Variants in ADAM12 observed in about 807,000 individuals in gnomAD.
The protein encoded by ADAM12 is ADAM metallopeptidase domain 12, also known as disintegrin and metalloproteinase domain-containing protein 12.
A neutral mutation model predicts 106.4 loss-of-function variants in ADAM12; 70 were observed. The ratio of observed to expected loss-of-function variants is 0.66; its 90% CI spans 0.54 to 0.80. The LOEUF (loss-of-function observed/expected upper bound fraction) is 0.80. Among genes scored for constraint, ADAM12 ranks in the 30% least tolerant of loss-of-function variants. The pLI, the probability that ADAM12 is intolerant of heterozygous loss-of-function variation, is 0.00. For synonymous variants in ADAM12, 420 were observed against 433.5 expected (o/e 0.97, Z 0.39); for missense variants, 1,010 against 1,171.9 (o/e 0.86, Z 2.02).
chr10:126,038,909 GAAGT>G (rs1420631321), intron 19 of ADAM12, among the ~76,000 whole-genome samples: 6 of 147,776 alleles, frequency 4.1e-5, no homozygotes, highest in African/African-American at 4.9e-5. Flanking sequence ...CTAAAAAAAT[GAAGT>G]GAGAAGCAGT....
intron 2 of ADAM12, among the ~76,000 whole-genome samples, chr10:126,290,744 C>T (rs1490588864): frequency 6.6e-6 from 1 of 152,092 alleles, no homozygotes; most frequent in Non-Finnish European, 1.5e-5. Context: ...AACTGAGGGC[C>T]TATTTATGAG....
intron 5 of ADAM12, among the ~76,000 whole-genome samples, chr10:126,126,294 A>G (rs1565078095): frequency 6.6e-6 from 1 of 152,104 alleles, no homozygotes; most frequent in African/African-American, 2.4e-5. Flanking sequence ...GGTCCAGGTT[A>G]GCCAACCCTT....
At position 126,206,854 on chromosome 10, in the gene ADAM12, T is replaced by TGCGGGGG. The variant is rs61139077; in HGVS notation, c.261-51550_261-51549insCCCCCGC. ...TAGCTCCCTGAATTCCCATGTGTTG[T>TGCGGGGG]GGGGGCGGGGGGGAGCCAGTGGGAG... is the stretch of plus-strand genomic sequence containing the variant. On this transcript the variant is annotated intron_variant, in intron 3 of 22. Transcript: ENST00000448723. Among the ~76,000 whole-genome samples, 46 of 81,750 alleles carry TGCGGGGG rather than the reference T, an allele frequency of 5.6e-4. 3 individuals are homozygous for TGCGGGGG. The highest frequency in any genetic ancestry group is 9.7e-4 in the East Asian group (3 of 3,096). 53.6% of individuals were successfully genotyped at this position (81,750 alleles called of 152,430 possible).
At chr10:126,128,041 A>C (rs2133654225) in intron 5 of ADAM12, among the ~76,000 whole-genome samples, 1 of 152,256 alleles carries the variant, frequency 6.6e-6, no homozygotes, top group South Asian at 2.1e-4. Flanking sequence ...TTACCAGAAA[A>C]AAAATTGAAC....
chr10:126,182,259 C>T (rs1957325760), intron 3 of ADAM12, among the ~76,000 whole-genome samples: 1 of 152,076 alleles, frequency 6.6e-6, no homozygotes, highest in Non-Finnish European at 1.5e-5. Context: ...TGTTGAGGGC[C>T]AGATATCTAT....
chr10:126,071,343 G>A, intron 12 of ADAM12, 134 bp downstream of exon 12: 1 of 1,063,156 alleles, frequency 9.4e-7, no homozygotes, highest in African/African-American at 1.6e-5. Flanking sequence ...GCTTGTTCAG[G>A]ATGGGCAGAT....
chr10:126,157,127 T>A (rs1956833970), intron 3 of ADAM12, among the ~76,000 whole-genome samples: 1 of 152,180 alleles, frequency 6.6e-6, no homozygotes, highest in Non-Finnish European at 1.5e-5. Context: ...AGCTGGGATG[T>A]CTGGGGATGA....
At chr10:126,026,981 C>G (rs1484190215) in intron 21 of ADAM12, among the ~76,000 whole-genome samples, 1 of 152,066 alleles carries the variant, frequency 6.6e-6, no homozygotes, top group African/African-American at 2.4e-5. Flanking sequence ...AATCCAGGAG[C>G]TAGTTTTTTT....
intron 3 of ADAM12, among the ~76,000 whole-genome samples, chr10:126,241,200 G>A (rs533260551): frequency 6.6e-6 from 1 of 152,316 alleles, no homozygotes; most frequent in African/African-American, 2.4e-5. Context: ...GTGAGCATTT[G>A]CCAGAAGCTT....
At chr10:126,051,572 T>TCCAGCCAGCCAGCCAG (rs1191899617) in intron 14 of ADAM12, among the ~76,000 whole-genome samples, 6 of 85,496 alleles carry the variant, frequency 7.0e-5, no homozygotes, top group East Asian at 6.1e-4. Context: ...CATCCATCCA[T>TCCAGCCAGCCAGCCAG]CCATCCATCC....
chr10:126,187,049 C>A (rs1957411753), intron 3 of ADAM12, among the ~76,000 whole-genome samples: 1 of 152,196 alleles, frequency 6.6e-6, no homozygotes. Context: ...CACTGTCTTG[C>A]AGCTCCTCTC....
At chr10:126,135,745 C>T in intron 4 of ADAM12, 85 bp from the exon 5 acceptor site, 1 of 1,199,388 alleles carries the variant, frequency 8.3e-7, no homozygotes. Flanking sequence ...TTGTTTTTAA[C>T]TATAGAATTT....
intron 9 of ADAM12, among the ~76,000 whole-genome samples, chr10:126,098,815 C>T (rs1325627021): frequency 6.6e-6 from 1 of 152,170 alleles, no homozygotes; most frequent in African/African-American, 2.4e-5. Context: ...ACAATGTCTG[C>T]TGATGGAAAG....
At position 126,282,325 on chromosome 10, in the gene ADAM12, G is replaced by A. The variant is rs548979276; in HGVS notation, c.187-3337C>T. ...TACAGTCACATTCTAAGGTACCGGG[G>A]TTAGGATGTCAATACAGGAATTTGC... On this transcript the variant is annotated intron_variant, in intron 2 of 22. Transcript: ENST00000448723. Among the ~76,000 whole-genome samples, 19 of 152,270 alleles carry A rather than the reference G, an allele frequency of 1.2e-4. No homozygotes were observed. In the East Asian group the frequency reaches 3.7e-3, roughly 29 times the overall value.
rs1953675280 is a variant in ADAM12 at position 126,017,173 on chromosome 10, T to G, written c.*106A>C. The G allele has an allele frequency of 9.5e-7, 1 of 1,055,378 alleles. No individual in the cohort carries two copies. The allele number at this position is 1,055,378 out of a possible 1,614,324, so 65.4% of individuals were successfully genotyped here. On this transcript the variant is annotated 3_prime_UTR_variant, in exon 23 of 23. Coordinates refer to ENST00000448723, the MANE Select transcript of ADAM12 (RefSeq NM_001288973.2). Reference sequence around the variant, plus strand: ...GCTCAAAGTTCTTATAGTAATGATGTTTTAAACATTAAAAAAAATCCTAAA... The same window carrying G: ...GCTCAAAGTTCTTATAGTAATGATGGTTTAAACATTAAAAAAAATCCTAAA...
intron 1 of ADAM12, among the ~76,000 whole-genome samples, chr10:126,387,487 G>T (rs369676514): frequency 2.0e-5 from 3 of 152,252 alleles, no homozygotes; most frequent in South Asian, 4.1e-4. Flanking sequence ...GAGGGGCAGA[G>T]AGGAAACTAA....
chr10:126,107,823 A>G (rs1955801811), intron 8 of ADAM12, among the ~76,000 whole-genome samples: 1 of 152,172 alleles, frequency 6.6e-6, no homozygotes, highest in South Asian at 2.1e-4. Flanking sequence ...CAACTCCAAT[A>G]TGCGGGGCTT....
intron 3 of ADAM12, among the ~76,000 whole-genome samples, chr10:126,239,832 C>T (rs552621746): frequency 1.2e-4 from 18 of 152,176 alleles, no homozygotes; most frequent in Non-Finnish European, 2.2e-4. Flanking sequence ...TGAAATTTGG[C>T]CCCTTTCTAA....
At chr10:126,178,408 C>CTTTTTTTTTTTTTTTTTTTTTTTTTTTTT (rs10549268) in intron 3 of ADAM12, among the ~76,000 whole-genome samples, 1 of 103,898 alleles carries the variant, frequency 9.6e-6, no homozygotes, top group Non-Finnish European at 2.0e-5. Flanking sequence ...TGGAGGACAT[C>CTTTTTTTTTTTTTTTTTTTTTTTTTTTTT]TTTTTTTTTT....
Sources: allele counts gnomAD v4.1 joint callset (sites outside exome capture counted in the v4.1 genomes callset), GRCh38; gene constraint gnomAD v4.1.1; transcripts MANE v1.5; gene names NCBI Gene and HGNC (gene_info 2026-07-23, HGNC 2026-07-21).